Variants in DLG2 observed in about 807,000 individuals in gnomAD.
DLG2 encodes discs large MAGUK scaffold protein 2.
DLG2 carries 45 observed loss-of-function variants against 132.5 expected under a neutral mutation model. The ratio of observed to expected loss-of-function variants is 0.34; its 90% CI spans 0.27 to 0.44. DLG2 has a LOEUF of 0.44. Ranked by LOEUF, DLG2 falls within the 20% of genes least tolerant of loss-of-function variation. The pLI is 1.00. For synonymous variants in DLG2, 424 were observed against 419.6 expected (o/e 1.01, Z -0.13); for missense variants, 1,045 against 1,196.9 (o/e 0.87, Z 1.87).
chr11:84,413,895 G>C (rs897777576), intron 7 of DLG2, among the ~76,000 whole-genome samples: 1 of 152,100 alleles, frequency 6.6e-6, no homozygotes, highest in Non-Finnish European at 1.5e-5. Context: ...AACTAGCTGA[G>C]AGCTGGCTGG....
At chr11:85,172,449 A>T (rs75445902) in intron 4 of DLG2, among the ~76,000 whole-genome samples, 1 of 152,214 alleles carries the variant, frequency 6.6e-6, no homozygotes, top group East Asian at 1.9e-4. Context: ...CCCCACAAAA[A>T]CCCCATTCAA....
intron 3 of DLG2, among the ~76,000 whole-genome samples, chr11:85,557,413 T>A (rs767572501): frequency 6.6e-6 from 1 of 151,752 alleles, no homozygotes; most frequent in Non-Finnish European, 1.5e-5. Flanking sequence ...ACTATTCCCA[T>A]CAAACTACCA....
intron 11 of DLG2, among the ~76,000 whole-genome samples, chr11:84,050,757 C>A (rs2154119415): frequency 6.6e-6 from 1 of 152,020 alleles, no homozygotes; most frequent in South Asian, 2.1e-4. Flanking sequence ...TTTCCCAGCA[C>A]CATTTATTAA....
intron 7 of DLG2, among the ~76,000 whole-genome samples, chr11:84,311,135 A>G (rs1422123373): frequency 2.0e-5 from 3 of 152,186 alleles, no homozygotes; most frequent in Non-Finnish European, 4.4e-5. Flanking sequence ...ATCATGTGGT[A>G]CTATGCCAAA....
intron 6 of DLG2, among the ~76,000 whole-genome samples, chr11:84,735,899 T>C (rs1410801388): frequency 1.3e-5 from 2 of 152,038 alleles, no homozygotes; most frequent in African/African-American, 4.8e-5. Context: ...ATACCAGAAG[T>C]TTTTATTATT....
At chr11:84,002,174 AAAG>A (rs2094383516) in intron 11 of DLG2, among the ~76,000 whole-genome samples, 1 of 152,208 alleles carries the variant, frequency 6.6e-6, no homozygotes, top group South Asian at 2.1e-4. Context: ...CTAAAATAGC[AAAG>A]AAGAGAGAAC....
chr11:84,334,996 A>G (rs933540655), intron 7 of DLG2, among the ~76,000 whole-genome samples: 6 of 152,134 alleles, frequency 3.9e-5, no homozygotes, highest in Non-Finnish European at 7.3e-5. Flanking sequence ...ACAGGAAGAA[A>G]TACATTCCAA....
intron 6 of DLG2, among the ~76,000 whole-genome samples, chr11:85,068,961 G>T (rs1418651790): frequency 6.6e-6 from 1 of 151,804 alleles, no homozygotes; most frequent in Non-Finnish European, 1.5e-5. Context: ...GAGATACAGA[G>T]CAATGGAACA....
At chr11:85,440,270 G>A (rs1388492058) in intron 3 of DLG2, among the ~76,000 whole-genome samples, 1 of 152,076 alleles carries the variant, frequency 6.6e-6, no homozygotes, top group Non-Finnish European at 1.5e-5. Flanking sequence ...CAATTGCTGT[G>A]TCTCAGTTTC....
chr11:84,072,776 G>A (rs1427141869), intron 10 of DLG2, among the ~76,000 whole-genome samples: 2 of 152,172 alleles, frequency 1.3e-5, no homozygotes, highest in Non-Finnish European at 2.9e-5. Flanking sequence ...TGGAGATGTG[G>A]ACTTGATTAG....
intron 5 of DLG2, among the ~76,000 whole-genome samples, chr11:85,119,749 A>G (rs545001904): frequency 1.6e-4 from 25 of 152,150 alleles, no homozygotes; most frequent in African/African-American, 5.3e-4. Context: ...CCCCAAAATA[A>G]AGTCAAACCT....
intron 7 of DLG2, among the ~76,000 whole-genome samples, chr11:84,297,428 C>A (rs1336835454): frequency 6.6e-6 from 1 of 152,066 alleles, no homozygotes; most frequent in Non-Finnish European, 1.5e-5. Context: ...TTTTTCTTAT[C>A]TTCTCACTGT....
intron 6 of DLG2, among the ~76,000 whole-genome samples, chr11:84,873,146 T>C (rs1195116681): frequency 6.6e-6 from 1 of 152,202 alleles, no homozygotes; most frequent in African/African-American, 2.4e-5. Context: ...AAGATTATCA[T>C]TAGCTTGGGT....
intron 7 of DLG2, among the ~76,000 whole-genome samples, chr11:84,315,809 G>A (rs771115096): frequency 6.6e-6 from 1 of 152,026 alleles, no homozygotes; most frequent in Non-Finnish European, 1.5e-5. Flanking sequence ...ATTCTTGGAA[G>A]TACTTTTTAA....
chr11:85,054,427 G>A (rs2063244183), intron 6 of DLG2, among the ~76,000 whole-genome samples: 2 of 152,318 alleles, frequency 1.3e-5, no homozygotes, highest in Non-Finnish European at 2.9e-5. Context: ...TCGTGAGAAT[G>A]TAAATGAATT....
intron 6 of DLG2, among the ~76,000 whole-genome samples, chr11:84,876,677 T>C (rs1270140138): frequency 1.3e-5 from 2 of 152,178 alleles, no homozygotes; most frequent in Non-Finnish European, 2.9e-5. Context: ...CCTGTCTCTA[T>C]CTCCTTCAGT....
intron 6 of DLG2, among the ~76,000 whole-genome samples, chr11:84,849,080 G>A (rs2081867263): frequency 6.6e-6 from 1 of 152,134 alleles, no homozygotes; most frequent in Admixed American, 6.6e-5. Flanking sequence ...AAGGTCACAT[G>A]GAGAAACAAG....
chr11:83,934,898 T>C (rs1763647132), intron 14 of DLG2, among the ~76,000 whole-genome samples: 1 of 151,702 alleles, frequency 6.6e-6, no homozygotes, highest in African/African-American at 2.4e-5. Flanking sequence ...AAGTGATCAG[T>C]ACCTTTTATT....
In DLG2 at chr11:85,496,353, C is replaced by A. The variant is rs556573881; in HGVS notation, c.40+102304G>T. Among the ~76,000 whole-genome samples the A allele has an allele frequency of 4.5e-4, 68 of 152,298 alleles. 2 individuals are homozygous for A. The South Asian group carries it at 0.013, about 30-fold the overall frequency. ...CACGGGAGCTTGGCAAAGGGAGGAG[C>A]ATCCACCATTGCTGAGGCTTGAGTA... On this transcript the variant is annotated intron_variant, in intron 3 of 27. Coordinates refer to ENST00000376104, the MANE Select transcript of DLG2 (RefSeq NM_001142699.3).
Sources: gnomAD v4.1 joint callset for allele counts (sites outside exome capture counted in the v4.1 genomes callset) on GRCh38, gnomAD v4.1.1 for gene constraint, MANE v1.5 for transcripts, NCBI Gene and HGNC (gene_info 2026-07-23, HGNC 2026-07-21) for gene names.